Variants in PHF12 observed in about 807,000 individuals in gnomAD.
The protein encoded by PHF12 is PHD factor 1.
A neutral mutation model predicts 99.8 loss-of-function variants in PHF12; 6 were observed. That is an observed-to-expected ratio of 0.06 (90% confidence interval 0.03 to 0.12). PHF12 has a LOEUF of 0.12. PHF12 is among the 10% of genes least tolerant of loss of function. PHF12 has a pLI of 1.00. For missense variants in PHF12, 954 were observed against 1,300.1 expected, an observed-to-expected ratio of 0.73 and a Z score of 4.09; for synonymous variants, 480 against 514.9, an observed-to-expected ratio of 0.93 and a Z score of 0.92.
rs114610210 is a variant in PHF12, at chr17:28,916,770, C to T, written c.1134+515G>A. On this transcript the variant is annotated intron_variant, in intron 7 of 14. Coordinates refer to ENST00000332830, the MANE Select transcript of PHF12 (RefSeq NM_001033561.2). ...ATGTCAAGAGCATATAAATATTAGG[C>T]ATTATTACAGCTATGCCACAATTTG... Among the ~76,000 whole-genome samples the T allele has an allele frequency of 6.8e-3, 1,029 of 152,276 alleles. 8 individuals are homozygous for T. The highest frequency in any genetic ancestry group is 0.024 in the African/African-American group (977 of 41,546).
At chr17:28,923,658 A>C (rs2040209428) in intron 4 of PHF12, among the ~76,000 whole-genome samples, 1 of 131,396 alleles carries the variant, frequency 7.6e-6, no homozygotes, top group African/African-American at 3.1e-5. Flanking sequence ...ACTCACAAAA[A>C]AAAAAAAAAA....
intron 11 of PHF12, 46 bp from the exon 12 acceptor site, chr17:28,908,927 T>C: frequency 6.4e-7 from 1 of 1,555,108 alleles, no homozygotes; most frequent in Non-Finnish European, 8.8e-7. Context: ...ACTCAGATCC[T>C]GTGATCCAAA....
In PHF12 at chr17:28,949,825, G is replaced by A. The variant is rs546916917; in HGVS notation, c.248+240C>T. 11 of 489,720 alleles carry A rather than the reference G, an allele frequency of 2.2e-5. No homozygotes were observed. In the South Asian group the frequency reaches 3.2e-4, roughly 14 times the overall value. The allele number at this position is 489,720 out of a possible 1,614,324, so 30.3% of individuals were successfully genotyped here. On this transcript the variant is annotated intron_variant, in intron 2 of 14. Transcript: ENST00000332830. This position sits in a 1 kb window ranked among gnomAD's most constrained non-coding sequence, Gnocchi z 4.6. ...TCCCCAGCGACTTCCAATCCCATAT[G>A]GGGTTCTCTTCACTCGTCCCAACCC...
rs929167536 is a variant in PHF12 at position 28,949,409 on chromosome 17, C to G, written c.248+656G>C. 6.6e-6 allele frequency among the ~76,000 whole-genome samples: 1 copy of G among 152,180 alleles called. No homozygotes were observed. The highest frequency in any genetic ancestry group is 2.4e-5 in the African/African-American group (1 of 41,440). On this transcript the variant is annotated intron_variant, in intron 2 of 14. Transcript: ENST00000332830. The surrounding 1 kb of genome is among the most constrained non-coding windows in gnomAD (Gnocchi z 4.6). ...AAGCGGCGAGATCCCAGACGGGGCC[C>G]CCGAGGAGCTTCTGCAGAAAGGACT...
rs1423695721 is a variant in PHF12 at position 28,913,235 on chromosome 17, G to A, written c.1336C>T (p.His446Tyr). 1 of 1,613,980 alleles carries A rather than the reference G, an allele frequency of 6.2e-7. No homozygotes were observed. The highest frequency in any genetic ancestry group is 8.5e-7 in the Non-Finnish European group (1 of 1,179,970). Residue 446 changes from histidine to tyrosine, a missense_variant, in exon 9 of 15, where the codon CAT (histidine) becomes TAT (tyrosine). Coordinates refer to ENST00000332830, the MANE Select transcript of PHF12 (RefSeq NM_001033561.2). ...VVALQCSILK[H>Y]LSAKQMPSHW... Reference sequence around the variant, plus strand: ...GAAGGCATCTGCTTAGCAGATAAATGTTTCAATATGCTGCACTGGAGCGCA... The same window carrying A: ...GAAGGCATCTGCTTAGCAGATAAATATTTCAATATGCTGCACTGGAGCGCA...
chr17:28,912,634 A>G lies in PHF12; in HGVS notation c.1937T>C (p.Val646Ala). ...ENTSTLQRKT[V>A]QSQIGPPLTD... ...CAACGGAGGTCCTATCTGTGATTGG[A>G]CAGTCTTTCTTTGCAAAGTGCTGGT... The change falls in exon 9 of 15, where the codon GTC becomes GCC. Residue 646 changes from valine (V) to alanine (A), a missense_variant. By Grantham distance (64) the Val-to-Ala change is moderately conservative. Transcript: ENST00000332830. 6.2e-7 allele frequency: 1 copy of G among 1,614,160 alleles called. No individual in the cohort carries two copies.
intron 2 of PHF12, among the ~76,000 whole-genome samples, chr17:28,938,859 T>C (rs1317567996): frequency 6.6e-6 from 1 of 152,148 alleles, no homozygotes; most frequent in East Asian, 1.9e-4. Flanking sequence ...GTGACCTATT[T>C]ATGAGTTGAA....
chr17:28,907,047 G>T, intron 13 of PHF12, 53 bp from the exon 14 acceptor site: 1 of 1,545,196 alleles, frequency 6.5e-7, no homozygotes, highest in South Asian at 1.2e-5. Flanking sequence ...GGGGCCTGGG[G>T]CTAAGGGGAG....
intron 4 of PHF12, among the ~76,000 whole-genome samples, chr17:28,923,651 C>CAAAAAAAAAAAA (rs1491183033): frequency 1.4e-3 from 31 of 21,964 alleles, no homozygotes; most frequent in Non-Finnish European, 1.7e-3. Flanking sequence ...AAGTGAGACT[C>CAAAAAAAAAAAA]ACAAAAAAAA....
At position 28,949,444 on chromosome 17, in the gene PHF12, TC is replaced by T. The variant is rs2152680597; in HGVS notation, c.248+620del. On this transcript the variant is annotated intron_variant, in intron 2 of 14. Coordinates refer to ENST00000332830, the MANE Select transcript of PHF12 (RefSeq NM_001033561.2). This position sits in a 1 kb window ranked among gnomAD's most constrained non-coding sequence, Gnocchi z 4.6. ...TTCTGCAGAAAGGACTCTGGGGCTG[TC>T]CCCACCGTTCCCCCGAGAGACGTTT... Among the ~76,000 whole-genome samples, 1 of 152,170 alleles carries T rather than the reference TC, an allele frequency of 6.6e-6. No homozygotes were observed. The highest frequency in any genetic ancestry group is 2.1e-4 in the South Asian group (1 of 4,812).
At chr17:28,907,020 T>G (rs776948080) in intron 13 of PHF12, 26 bp from the exon 14 acceptor site, 1 of 1,587,736 alleles carries the variant, frequency 6.3e-7, no homozygotes, top group Admixed American at 1.7e-5. Context: ...GGAGATAAGA[T>G]GTGTGGTCTG....
At chr17:28,927,118 A>G (rs1231059888) in intron 2 of PHF12, 55 bp from the exon 3 acceptor site, 15 of 1,512,344 alleles carry the variant, frequency 9.9e-6, no homozygotes, top group Non-Finnish European at 1.3e-5. Flanking sequence ...AGGCAGTAGG[A>G]AAAGCCTAGC....
Position 28,919,154 on chromosome 17 carries a change from C to T in PHF12, c.958G>A (p.Glu320Lys), listed in dbSNP as rs376085453. 2 of 1,613,860 alleles carry T rather than the reference C, an allele frequency of 1.2e-6. No homozygotes were observed. The highest frequency in any genetic ancestry group is 1.7e-5 in the Admixed American group (1 of 60,000). ...LGRWMCPNHI[E>K]HVVLNQKNMT... is the part of the protein sequence containing the mutation. ...ACTGCTGTGCTTACCACCACATGTT[C>T]GATGTGATTCGGACACATCCATCTG... The change falls in exon 6 of 15, where the codon GAA becomes AAA. Residue 320 changes from glutamate (E) to lysine (K), a missense_variant. Physicochemically the swap from Glu to Lys is moderately conservative, Grantham distance 56. Around this residue, in one of 8 missense-constraint regions of PHF12, gnomAD observed 85 missense variants for 196.6 expected, o/e 0.43. Transcript: ENST00000332830.
At chr17:28,941,137 G>A (rs1355305287) in intron 2 of PHF12, among the ~76,000 whole-genome samples, 2 of 151,564 alleles carry the variant, frequency 1.3e-5, no homozygotes, top group African/African-American at 4.9e-5. Context: ...ATATATAAGG[G>A]CTACCATAAA....
intron 12 of PHF12, 23 bp from the exon 13 acceptor site, chr17:28,907,695 G>T: frequency 6.2e-7 from 1 of 1,604,280 alleles, no homozygotes; most frequent in South Asian, 1.1e-5. Flanking sequence ...AGGAGTAGAG[G>T]AAAAGGAAGG....
Position 28,950,268 on chromosome 17 carries a change from G to T in PHF12, c.67-22C>A. 6.3e-7 allele frequency: 1 copy of T among 1,595,906 alleles called. No individual in the cohort carries two copies. Among genetic ancestry groups the T allele is most frequent in the Non-Finnish European group, 8.5e-7 (1 of 1,174,466 alleles). On this transcript the variant is annotated intron_variant, in intron 1 of 14. Coordinates refer to ENST00000332830, the MANE Select transcript of PHF12 (RefSeq NM_001033561.2). This position sits in a 1 kb window ranked among gnomAD's most constrained non-coding sequence, Gnocchi z 5.7. Reference sequence around the variant, plus strand: ...TTTGCTGCACACACATACAAACGGCGTGTGTGCACACTCGGAGCTCCCGGG... The same window carrying T: ...TTTGCTGCACACACATACAAACGGCTTGTGTGCACACTCGGAGCTCCCGGG...
chr17:28,945,680 C>T (rs531173018), intron 2 of PHF12, among the ~76,000 whole-genome samples: 3 of 152,262 alleles, frequency 2.0e-5, no homozygotes, highest in African/African-American at 7.2e-5. Flanking sequence ...ACAATCCTAC[C>T]AATCTCAAAC....
At chr17:28,914,988 A>G (rs1311587430) in intron 7 of PHF12, among the ~76,000 whole-genome samples, 2 of 152,228 alleles carry the variant, frequency 1.3e-5, no homozygotes, top group Non-Finnish European at 2.9e-5. Flanking sequence ...CTCACAGTCT[A>G]GTGGGGAGAT....
intron 9 of PHF12, 153 bp downstream of exon 9, chr17:28,912,329 T>C: frequency 7.1e-7 from 1 of 1,409,440 alleles, no homozygotes; most frequent in Non-Finnish European, 9.2e-7. Flanking sequence ...TAACATGTGC[T>C]TCCTCTTCTA....
Sources: allele counts gnomAD v4.1 joint callset (sites outside exome capture counted in the v4.1 genomes callset), GRCh38; gene constraint gnomAD v4.1.1; regional missense constraint gnomAD v4.1.1; non-coding constraint Gnocchi (gnomAD v3.1); transcripts MANE v1.5; gene names NCBI Gene and HGNC (gene_info 2026-07-23, HGNC 2026-07-21).